The following PPM1B variants were observed in gnomAD, a reference collection of about 807,000 sequenced individuals.
PPM1B encodes the protein protein phosphatase, Mg2+/Mn2+ dependent 1B, also known as protein phosphatase 1B.
Under a neutral mutation model 43.0 loss-of-function variants are expected in PPM1B, and 22 were observed. That is an observed-to-expected ratio of 0.51 (90% CI 0.37 to 0.73). PPM1B has a LOEUF of 0.73. PPM1B is among the 30% of genes least tolerant of loss of function. The probability of loss-of-function intolerance (pLI) is 0.00; values close to 1 mark genes in which losing one functional copy is unlikely to be tolerated. For synonymous variants in PPM1B, 217 were observed against 197.9 expected (o/e 1.10, Z -0.81); for missense variants, 632 against 584.2 (o/e 1.08, Z -0.84).
At chr2:44,177,942 C>T (rs183993023) in intron 1 of PPM1B, among the ~76,000 whole-genome samples, 45 of 131,054 alleles carry the variant, frequency 3.4e-4, no homozygotes, top group Non-Finnish European at 6.3e-5. Context: ...TTTAATAAGA[C>T]AGTCCGGCTC....
In PPM1B at chr2:44,218,019, G is replaced by A; in HGVS notation, c.1017G>A (p.Met339Ile). The A allele has an allele frequency of 6.2e-7, 1 of 1,612,554 alleles. No individual in the cohort carries two copies. The highest frequency in any genetic ancestry group is 8.5e-7 in the Non-Finnish European group (1 of 1,179,582). Residue 339 changes from methionine (M) to isoleucine (I), a missense_variant, in exon 4 of 6, where the codon ATG (methionine) becomes ATA (isoleucine). Coordinates refer to ENST00000282412, the MANE Select transcript of PPM1B (RefSeq NM_002706.6). Reference protein sequence around the residue: ...EEGMPDLAHVMRILSAENIPN... With the variant: ...EEGMPDLAHVIRILSAENIPN... ...GAATGCCTGATCTTGCCCATGTCAT[G>A]CGCATCTTGTCTGCAGAAAATATCC...
intron 3 of PPM1B, among the ~76,000 whole-genome samples, chr2:44,217,277 T>TA (rs1669765473): frequency 6.6e-6 from 1 of 151,608 alleles, no homozygotes; most frequent in Non-Finnish European, 1.5e-5. Context: ...CACATGCCTG[T>TA]AATCCCAGCT....
rs1670458328 is a variant in PPM1B, at chr2:44,231,243, T to C, written c.*525T>C. ...TTGATTTGTTTATATTTTACATCTC[T>C]GTAGTTTTATTTTTAGAAGTTGTGA... On this transcript the variant is annotated 3_prime_UTR_variant, in exon 6 of 6. Coordinates refer to ENST00000282412, the MANE Select transcript of PPM1B (RefSeq NM_002706.6). 1.0e-6 allele frequency: 1 copy of C among 979,542 alleles called. No homozygotes were observed. Among genetic ancestry groups the C allele is most frequent in the Non-Finnish European group, 1.2e-6 (1 of 824,514 alleles). 60.7% of individuals were successfully genotyped at this position (979,542 alleles called of 1,614,324 possible).
In PPM1B at chr2:44,190,300, G is replaced by A. The variant is rs532535848; in HGVS notation, c.-14-10886G>A. ...CTCTCGAGTAGCTGGGACTATAGGT[G>A]CCCGCCACCACATCCAGCTAGTTTT... On this transcript the variant is annotated intron_variant, in intron 1 of 5. Transcript: ENST00000282412. 1.9e-3 allele frequency among the ~76,000 whole-genome samples: 289 copies of A among 151,852 alleles called. 2 individuals carry two copies. The highest frequency in any genetic ancestry group is 0.014 in the Middle Eastern group (4 of 294).
intron 1 of PPM1B, among the ~76,000 whole-genome samples, chr2:44,185,407 C>CTGTATGTA (rs1175144173): frequency 1.3e-5 from 2 of 152,170 alleles, no homozygotes; most frequent in Non-Finnish European, 2.9e-5. Flanking sequence ...TTAGAGCACA[C>CTGTATGTA]TGTATGTATT....
chr2:44,213,858 TGTA>T (rs1461382479), intron 3 of PPM1B: 3 of 152,146 alleles, frequency 2.0e-5, no homozygotes, highest in African/African-American at 7.2e-5. Flanking sequence ...AATGATAAAT[TGTA>T]GTATATTGGG....
At chr2:44,207,351 A>C (rs778948964) in intron 2 of PPM1B, among the ~76,000 whole-genome samples, 11 of 152,174 alleles carry the variant, frequency 7.2e-5, no homozygotes, top group Non-Finnish European at 1.5e-4. Context: ...TGAGTTGGCA[A>C]ATTTGGCAAA....
In PPM1B at chr2:44,230,163, ATTAAACT is replaced by A. The variant is rs1378787929; in HGVS notation, c.1135-244_1135-238del. 6 of 1,434,100 alleles carry A rather than the reference ATTAAACT, an allele frequency of 4.2e-6. No homozygotes were observed. In the East Asian group the frequency reaches 1.5e-4, roughly 37 times the overall value. 88.8% of individuals were successfully genotyped at this position (1,434,100 alleles called of 1,614,324 possible). A position where few individuals can be genotyped will look rare whatever the true frequency, so the allele number is the denominator to read the frequency against. On this transcript the variant is annotated intron_variant, in intron 5 of 5. Coordinates refer to ENST00000282412, the MANE Select transcript of PPM1B (RefSeq NM_002706.6). The stretch of plus-strand genomic sequence containing the variant: ...ATTATAAAAGCTGAGTAAATTTCAG[ATTAAACT>A]TTAAATGACTGTGAAATAAGACATA...
At chr2:44,243,052 G>A (rs538390775) in intron 5 of PPM1B, among the ~76,000 whole-genome samples, 2 of 152,150 alleles carry the variant, frequency 1.3e-5, no homozygotes, top group South Asian at 4.1e-4. Flanking sequence ...ACCTCATAGG[G>A]ATTTCCCCCC....
At chr2:44,214,430 T>G (rs902768338) in intron 3 of PPM1B, among the ~76,000 whole-genome samples, 1 of 151,674 alleles carries the variant, frequency 6.6e-6, no homozygotes, top group Non-Finnish European at 1.5e-5. Flanking sequence ...ATGACACTTG[T>G]TAAAGATGGT....
At chr2:44,211,742 C>CTTTTT (rs55716263) in intron 3 of PPM1B, among the ~76,000 whole-genome samples, 5 of 78,614 alleles carry the variant, frequency 6.4e-5, no homozygotes, top group Non-Finnish European at 9.4e-5. Context: ...CTGATTCTGT[C>CTTTTT]TTTTTTTTTT....
intron 1 of PPM1B, among the ~76,000 whole-genome samples, chr2:44,199,963 G>A (rs779437781): frequency 3.7e-4 from 57 of 152,146 alleles, no homozygotes; most frequent in Non-Finnish European, 5.4e-4. Context: ...ACAAAGATAC[G>A]TAGACCCAAA....
At chr2:44,216,471 G>A (rs1173470682) in intron 3 of PPM1B, among the ~76,000 whole-genome samples, 1 of 152,178 alleles carries the variant, frequency 6.6e-6, no homozygotes, top group East Asian at 1.9e-4. Flanking sequence ...CATGAAGCTT[G>A]CAGTCTATGA....
chr2:44,233,721 A>T (rs1009685961), downstream of PPM1B: 1 of 985,882 alleles, frequency 1.0e-6, no homozygotes, highest in Non-Finnish European at 1.2e-6. Flanking sequence ...AGAGCCACAC[A>T]TTTAAATACA....
intron 5 of PPM1B, chr2:44,218,890 T>C (rs762343531): frequency 2.1e-6 from 1 of 466,396 alleles, no homozygotes; most frequent in South Asian, 1.5e-5. Context: ...TCCAGCAGGC[T>C]GCTGCCATCA....
intron 2 of PPM1B, among the ~76,000 whole-genome samples, chr2:44,206,452 A>G (rs1669192229): frequency 6.6e-6 from 1 of 152,214 alleles, no homozygotes; most frequent in Non-Finnish European, 1.5e-5. Context: ...GAAATCACAC[A>G]TGCCTGAGAT....
intron 1 of PPM1B, among the ~76,000 whole-genome samples, chr2:44,199,608 A>G (rs1202563910): frequency 6.6e-6 from 1 of 152,248 alleles, no homozygotes; most frequent in African/African-American, 2.4e-5. Context: ...ATGTACTTAG[A>G]ACTAGGCTTT....
At chr2:44,228,293 A>C (rs565769202) in intron 5 of PPM1B, among the ~76,000 whole-genome samples, 4 of 147,430 alleles carry the variant, frequency 2.7e-5, no homozygotes, top group African/African-American at 5.0e-5. Context: ...ACTTAGCTCA[A>C]CCTCTCGCCT....
chr2:44,208,597 C>T (rs1487648814), intron 2 of PPM1B, among the ~76,000 whole-genome samples: 1 of 152,144 alleles, frequency 6.6e-6, no homozygotes, highest in Non-Finnish European at 1.5e-5. Flanking sequence ...CCTGTAATGC[C>T]AGCTACTCAG....
Sources: allele counts gnomAD v4.1 joint callset (sites outside exome capture counted in the v4.1 genomes callset), GRCh38; gene constraint gnomAD v4.1.1; transcripts MANE v1.5; gene names NCBI Gene and HGNC (gene_info 2026-07-23, HGNC 2026-07-21).